ARHGEF3: variants seen among roughly 807,000 people sequenced by gnomAD.
ARHGEF3 encodes the protein Rho guanine nucleotide exchange factor 3.
ARHGEF3 carries 28 observed loss-of-function variants against 63.2 expected under a neutral mutation model. That is an observed-to-expected ratio of 0.44 (90% CI 0.33 to 0.61). The LOEUF (loss-of-function observed/expected upper bound fraction) is 0.61. Ranked by LOEUF, ARHGEF3 falls within the 20% of genes least tolerant of loss-of-function variation. ARHGEF3 has a pLI of 0.03. For missense variants in ARHGEF3, 533 were observed against 659.3 expected (o/e 0.81, Z 2.10); for synonymous variants, 266 against 254.2 (o/e 1.05, Z -0.44).
At chr3:57,005,492 A>G (rs1452615172) in intron 2 of ARHGEF3, among the ~76,000 whole-genome samples, 1 of 152,186 alleles carries the variant, frequency 6.6e-6, no homozygotes, top group Non-Finnish European at 1.5e-5. Flanking sequence ...AGTGTTGCCA[A>G]TGAGAACTGG....
intron 2 of ARHGEF3, among the ~76,000 whole-genome samples, chr3:56,965,812 C>A (rs1208567259): frequency 6.6e-6 from 1 of 151,924 alleles, no homozygotes; most frequent in Non-Finnish European, 1.5e-5. Context: ...CCACGCTTGG[C>A]TAATTTTTTG....
chr3:56,729,783 A>G (rs559059517), intron 9 of ARHGEF3, among the ~76,000 whole-genome samples, 161 bp from the exon 10 acceptor site: 1 of 152,332 alleles, frequency 6.6e-6, no homozygotes, highest in African/African-American at 2.4e-5. Context: ...TCCACCCTGC[A>G]GCCACCATCA....
intron 2 of ARHGEF3, among the ~76,000 whole-genome samples, chr3:57,028,851 A>C (rs1412988991): frequency 2.6e-5 from 4 of 152,050 alleles, no homozygotes; most frequent in Non-Finnish European, 4.4e-5. Flanking sequence ...CAGGCATTAT[A>C]ATTTGCTGTG....
intron 1 of ARHGEF3, among the ~76,000 whole-genome samples, chr3:57,063,975 G>A (rs1272065555): frequency 6.6e-6 from 1 of 152,218 alleles, no homozygotes; most frequent in Non-Finnish European, 1.5e-5. Flanking sequence ...TAAAAAGGAG[G>A]GAAATTCCAT....
intron 1 of ARHGEF3, chr3:56,775,022 T>A (rs1007733183): frequency 4.5e-6 from 7 of 1,547,130 alleles, no homozygotes; most frequent in Non-Finnish European, 6.1e-6. Context: ...AAGCTCCATC[T>A]GACCTGTAGT....
chr3:56,781,438 G>C (rs991149237), intron 1 of ARHGEF3, among the ~76,000 whole-genome samples: 13 of 120,766 alleles, frequency 1.1e-4, no homozygotes, highest in Non-Finnish European at 2.1e-4. Context: ...GTAAAGACAG[G>C]GTTTCACCAT....
At chr3:56,976,822 C>T (rs1701142382) in intron 2 of ARHGEF3, among the ~76,000 whole-genome samples, 1 of 152,040 alleles carries the variant, frequency 6.6e-6, no homozygotes, top group Non-Finnish European at 1.5e-5. Flanking sequence ...CTTGTTAGAG[C>T]TCATGTGGTA....
Position 56,977,469 on chromosome 3 carries a change from C to T in ARHGEF3, c.63-18580G>A, listed in dbSNP as rs188357108. 6.6e-4 allele frequency: 239 copies of T among 363,460 alleles called. 1 individual carries two copies. Among genetic ancestry groups the T allele is most frequent in the Admixed American group, 1.3e-3 (35 of 27,728 alleles). 22.5% of individuals were successfully genotyped at this position (363,460 alleles called of 1,614,324 possible). A position where few individuals can be genotyped will look rare whatever the true frequency, so the allele number is the denominator to read the frequency against. ...GGCAAAGATGCTCTTCCCACTCACT[C>T]GGGAGCCCTGATTCTGGGATGCAGC... On this transcript the variant is annotated intron_variant, in intron 2 of 12. Coordinates refer to the ARHGEF3 transcript ENST00000338458.
intron 1 of ARHGEF3, among the ~76,000 whole-genome samples, chr3:56,779,336 T>C (rs1447801368): frequency 6.6e-6 from 1 of 152,082 alleles, no homozygotes; most frequent in African/African-American, 2.4e-5. Flanking sequence ...AGAAAGTGGA[T>C]GGAAAAAGAG....
chr3:57,001,025 A>G (rs1702172965), intron 2 of ARHGEF3, among the ~76,000 whole-genome samples: 2 of 151,996 alleles, frequency 1.3e-5, no homozygotes, highest in South Asian at 4.2e-4. Flanking sequence ...CTGCAGCCTC[A>G]AATCCCTGGG....
intron 8 of ARHGEF3, among the ~76,000 whole-genome samples, chr3:56,736,766 G>T (rs2033650694): frequency 6.6e-6 from 1 of 152,110 alleles, no homozygotes; most frequent in African/African-American, 2.4e-5. Context: ...ATGATCCTGT[G>T]ATATAAATGA....
chr3:56,948,807 C>G (rs144966090), intron 3 of ARHGEF3, among the ~76,000 whole-genome samples: 39,062 of 148,784 alleles, frequency 0.26, 6,001 homozygotes, highest in East Asian at 0.39. Context: ...GATACCAAAG[C>G]CTGGCAGAGA....
intron 1 of ARHGEF3, among the ~76,000 whole-genome samples, chr3:57,039,356 T>C (rs1704085728): frequency 6.6e-6 from 1 of 152,226 alleles, no homozygotes; most frequent in African/African-American, 2.4e-5. Flanking sequence ...CTGCTGTTGC[T>C]GGGAACATAA....
intron 4 of ARHGEF3, among the ~76,000 whole-genome samples, chr3:56,859,521 C>A (rs1262660848): frequency 6.6e-6 from 1 of 151,530 alleles, no homozygotes; most frequent in Non-Finnish European, 1.5e-5. Context: ...CCTCTTGCCA[C>A]CCCCTTGGTA....
intron 2 of ARHGEF3, among the ~76,000 whole-genome samples, chr3:56,969,185 AG>A (rs1486559676): frequency 6.6e-6 from 1 of 152,212 alleles, no homozygotes; most frequent in Non-Finnish European, 1.5e-5. Flanking sequence ...TCCCCTAAAT[AG>A]GTAATATCCC....
intron 4 of ARHGEF3, among the ~76,000 whole-genome samples, chr3:56,820,253 A>AG: frequency 6.6e-6 from 1 of 152,342 alleles, no homozygotes; most frequent in South Asian, 2.1e-4. Context: ...GACTCTACCC[A>AG]GGGAGGTACT....
chr3:56,750,647 AT>A (rs1268223168), intron 6 of ARHGEF3, among the ~76,000 whole-genome samples: 6 of 146,270 alleles, frequency 4.1e-5, no homozygotes, highest in East Asian at 2.0e-4. Flanking sequence ...GACCATGAGA[AT>A]TTTTTTTTAA....
At chr3:57,069,689 A>G (rs993137328) in intron 1 of ARHGEF3, among the ~76,000 whole-genome samples, 3 of 152,148 alleles carry the variant, frequency 2.0e-5, no homozygotes, top group Non-Finnish European at 4.4e-5. Context: ...TCTGTCGCCA[A>G]GCTGGAGTGC....
chr3:56,898,286 T>C (rs2041378172), intron 3 of ARHGEF3, among the ~76,000 whole-genome samples: 1 of 152,188 alleles, frequency 6.6e-6, no homozygotes, highest in Non-Finnish European at 1.5e-5. Flanking sequence ...CTCAGCTCAC[T>C]GAAACCTCCA....
Sources: allele counts gnomAD v4.1 joint callset (sites outside exome capture counted in the v4.1 genomes callset), GRCh38; gene constraint gnomAD v4.1.1; transcripts MANE v1.5; gene names NCBI Gene and HGNC (gene_info 2026-07-23, HGNC 2026-07-21).